Variants in RABGAP1L observed in about 807,000 individuals in gnomAD.
The protein encoded by RABGAP1L is RAB GTPase activating protein 1 like, also known as rab GTPase-activating protein 1-like.
Under a neutral mutation model 137.7 loss-of-function variants are expected in RABGAP1L, and 63 were observed. The observed-to-expected ratio is 0.46, with a 90% CI of 0.37 to 0.56. The LOEUF is 0.56. RABGAP1L is among the 20% of genes least tolerant of loss of function. The pLI is 0.00. For synonymous variants in RABGAP1L, 431 were observed against 433.7 expected (o/e 0.99, Z 0.08); for missense variants, 1,095 against 1,244.0 (o/e 0.88, Z 1.80).
At chr1:174,641,598 C>T (rs1413048214) in intron 14 of RABGAP1L, among the ~76,000 whole-genome samples, 4 of 152,040 alleles carry the variant, frequency 2.6e-5, no homozygotes, top group Non-Finnish European at 4.4e-5. Context: ...GAATATACTA[C>T]CACCCCAAAT....
intron 11 of RABGAP1L, among the ~76,000 whole-genome samples, chr1:174,344,662 G>A (rs981521179): frequency 6.6e-6 from 1 of 152,094 alleles, no homozygotes; most frequent in African/African-American, 2.4e-5. Context: ...TGAGTGCACT[G>A]GCCACTGTGG....
intron 12 of RABGAP1L, among the ~76,000 whole-genome samples, chr1:174,376,673 A>C (rs191158149): frequency 6.6e-6 from 1 of 152,118 alleles, no homozygotes; most frequent in South Asian, 2.1e-4. Flanking sequence ...CCAAAAAACA[A>C]AAAAACCTCT....
chr1:174,445,891 A>T (rs1186342447), intron 13 of RABGAP1L, among the ~76,000 whole-genome samples: 1 of 152,204 alleles, frequency 6.6e-6, no homozygotes, highest in Non-Finnish European at 1.5e-5. Flanking sequence ...TTAATATATT[A>T]TAAAGATCGG....
chr1:174,343,247 T>C (rs753302733), intron 11 of RABGAP1L, among the ~76,000 whole-genome samples: 3 of 152,212 alleles, frequency 2.0e-5, no homozygotes, highest in Non-Finnish European at 4.4e-5. Context: ...CATTTTCCCT[T>C]TTTATTTCCT....
chr1:174,395,836 T>G (rs1346017481), intron 13 of RABGAP1L, among the ~76,000 whole-genome samples: 3 of 98,930 alleles, frequency 3.0e-5, no homozygotes, highest in Admixed American at 2.8e-4. Context: ...AGACCCTGTC[T>G]CTAAAAAAAA....
intron 1 of RABGAP1L, among the ~76,000 whole-genome samples, chr1:174,195,041 T>TA (rs200683479): frequency 6.6e-6 from 1 of 152,028 alleles, no homozygotes; most frequent in Admixed American, 6.6e-5. Flanking sequence ...AATATATATA[T>TA]TTGGATAATT....
intron 13 of RABGAP1L, among the ~76,000 whole-genome samples, chr1:174,556,217 C>T (rs1384473762): frequency 2.0e-5 from 3 of 151,858 alleles, no homozygotes; most frequent in African/African-American, 4.8e-5. Flanking sequence ...AGGTTGTTCT[C>T]GAACTCCTGA....
At chr1:174,447,558 A>G (rs1207735491) in intron 13 of RABGAP1L, among the ~76,000 whole-genome samples, 1 of 152,172 alleles carries the variant, frequency 6.6e-6, no homozygotes, top group African/African-American at 2.4e-5. Flanking sequence ...ATCTTAAATT[A>G]TTTAAAATCT....
At chr1:174,313,110 G>A (rs779225586) in intron 11 of RABGAP1L, among the ~76,000 whole-genome samples, 1 of 151,996 alleles carries the variant, frequency 6.6e-6, no homozygotes, top group African/African-American at 2.4e-5. Context: ...TGTAGTTTTA[G>A]TAGAGACGAG....
chr1:174,642,360 G>C (rs1468775326), intron 14 of RABGAP1L, among the ~76,000 whole-genome samples: 2 of 152,144 alleles, frequency 1.3e-5, no homozygotes, highest in African/African-American at 2.4e-5. Context: ...AGCAGTTAAA[G>C]TATTGTTTTG....
intron 11 of RABGAP1L, among the ~76,000 whole-genome samples, chr1:174,337,280 C>G (rs374574313): frequency 6.6e-6 from 1 of 152,046 alleles, no homozygotes; most frequent in Non-Finnish European, 1.5e-5. Context: ...CATTTCGTTG[C>G]GGCTTTAGAA....
At chr1:174,760,932 C>T (rs1685169842) in intron 18 of RABGAP1L, among the ~76,000 whole-genome samples, 1 of 152,176 alleles carries the variant, frequency 6.6e-6, no homozygotes. Flanking sequence ...GTTCTATGTG[C>T]TTGAATAGAA....
intron 7 of RABGAP1L, among the ~76,000 whole-genome samples, chr1:174,262,276 C>T (rs1413713154): frequency 2.6e-5 from 4 of 152,082 alleles, no homozygotes; most frequent in Non-Finnish European, 5.9e-5. Context: ...CTGTTGGCAC[C>T]CAGTGGGGAG....
intron 10 of RABGAP1L, among the ~76,000 whole-genome samples, chr1:174,304,363 A>G (rs531299101): frequency 6.6e-6 from 1 of 151,882 alleles, no homozygotes; most frequent in Non-Finnish European, 1.5e-5. Context: ...ATTTGAATAT[A>G]TATTTATTTG....
intron 14 of RABGAP1L, among the ~76,000 whole-genome samples, chr1:174,677,958 A>C (rs1677763472): frequency 6.6e-6 from 1 of 152,154 alleles, no homozygotes; most frequent in Non-Finnish European, 1.5e-5. Context: ...GAAAAAGATA[A>C]AACCAAAAGC....
intron 13 of RABGAP1L, among the ~76,000 whole-genome samples, chr1:174,521,873 G>T (rs1374301935): frequency 6.6e-6 from 1 of 152,134 alleles, no homozygotes; most frequent in Non-Finnish European, 1.5e-5. Context: ...GAGGTCAGAA[G>T]TTCGAGACCA....
chr1:174,873,548 C>A (rs1652551678), intron 19 of RABGAP1L, among the ~76,000 whole-genome samples: 1 of 146,650 alleles, frequency 6.8e-6, no homozygotes, highest in South Asian at 2.1e-4. Context: ...AATTCTCCCT[C>A]TGTCGCCCAG....
intron 13 of RABGAP1L, among the ~76,000 whole-genome samples, chr1:174,585,351 G>A (rs889750459): frequency 2.0e-5 from 3 of 152,126 alleles, no homozygotes; most frequent in Non-Finnish European, 1.5e-5. Context: ...ATTTTGCCCA[G>A]CCTTTTCTTC....
At chr1:174,335,864 G>A (rs188440762) in intron 11 of RABGAP1L, among the ~76,000 whole-genome samples, 134 of 152,222 alleles carry the variant, frequency 8.8e-4, no homozygotes, top group African/African-American at 3.0e-3. Context: ...TGTATTTTTA[G>A]CACTATGCTT....
Sources: gnomAD v4.1 joint callset for allele counts (sites outside exome capture counted in the v4.1 genomes callset) on GRCh38, gnomAD v4.1.1 for gene constraint, MANE v1.5 for transcripts, NCBI Gene and HGNC (gene_info 2026-07-23, HGNC 2026-07-21) for gene names.